LINGO2: variants seen among roughly 807,000 people sequenced by gnomAD.
LINGO2 encodes the protein leucine-rich repeat and immunoglobulin-like domain-containing nogo receptor-interacting protein 2.
A neutral mutation model predicts 30.6 loss-of-function variants in LINGO2; 14 were observed. The ratio of observed to expected loss-of-function variants is 0.46; its 90% CI spans 0.30 to 0.72. LINGO2 has a LOEUF of 0.72. Ranked by LOEUF, LINGO2 falls within the 30% of genes least tolerant of loss-of-function variation. The probability of loss-of-function intolerance (pLI) is 0.07; values close to 1 mark genes in which losing one functional copy is unlikely to be tolerated. For missense variants in LINGO2, 729 were observed against 751.7 expected, an observed-to-expected ratio of 0.97 and a Z score of 0.35; for synonymous variants, 317 against 288.5, an observed-to-expected ratio of 1.10 and a Z score of -1.00.
At chr9:29,210,782 G>A in the LINGO2 span, among the ~76,000 whole-genome samples, 6 of 151,996 alleles carry the variant, frequency 3.9e-5, no homozygotes, top group Non-Finnish European at 8.8e-5. Context: ...CCATCAATAG[G>A]CAATCCATTC....
At chr9:29,115,587 GT>G in the LINGO2 span, among the ~76,000 whole-genome samples, 3 of 150,428 alleles carry the variant, frequency 2.0e-5, no homozygotes, top group Non-Finnish European at 3.0e-5. Flanking sequence ...TATTGAATGT[GT>G]TTTTTTTTAA....
chr9:28,561,745 GTGTGTATATATATA>G (rs1189682355), intron 1 of LINGO2, among the ~76,000 whole-genome samples: 3 of 43,532 alleles, frequency 6.9e-5, no homozygotes, highest in Admixed American at 2.9e-4. Flanking sequence ...TTGTGTGTGT[GTGTGTATATATATA>G]TATATATATA....
chr9:29,074,839 CT>C, the LINGO2 span, among the ~76,000 whole-genome samples: 53 of 146,536 alleles, frequency 3.6e-4, no homozygotes, highest in Middle Eastern at 3.5e-3. Context: ...AGCTAATTTG[CT>C]TTTTTTTTTG....
chr9:28,008,568 A>G (rs990972855), intron 5 of LINGO2, among the ~76,000 whole-genome samples: 1 of 102,126 alleles, frequency 9.8e-6, no homozygotes, highest in East Asian at 3.1e-4. Flanking sequence ...TCCACTAAAA[A>G]CTATTAGAAT....
At chr9:28,183,740 G>A (rs1266098405) in intron 4 of LINGO2, among the ~76,000 whole-genome samples, 1 of 152,102 alleles carries the variant, frequency 6.6e-6, no homozygotes, top group Non-Finnish European at 1.5e-5. Context: ...AATTATACAG[G>A]CTACCATCAG....
the LINGO2 span, among the ~76,000 whole-genome samples, chr9:29,022,866 G>A: frequency 6.6e-6 from 1 of 151,866 alleles, no homozygotes; most frequent in Non-Finnish European, 1.5e-5. Flanking sequence ...AACTGTGCTA[G>A]GTTCTCCATA....
At chr9:28,593,951 G>A (rs1405940034) in intron 1 of LINGO2, among the ~76,000 whole-genome samples, 2 of 151,882 alleles carry the variant, frequency 1.3e-5, no homozygotes, top group Non-Finnish European at 2.9e-5. Context: ...CTATGTAAAT[G>A]TCAATTAGCA....
the LINGO2 span, among the ~76,000 whole-genome samples, chr9:29,169,993 AAAAC>A: frequency 3.9e-5 from 6 of 151,932 alleles, 1 homozygote; most frequent in African/African-American, 1.4e-4. Flanking sequence ...ACTCTGTATA[AAAAC>A]AAACAAACAA....
intron 1 of LINGO2, among the ~76,000 whole-genome samples, chr9:28,504,143 T>C: frequency 6.6e-6 from 1 of 151,848 alleles, no homozygotes; most frequent in East Asian, 1.9e-4. Context: ...AAAAAACAAA[T>C]ATTTCATTAA....
chr9:28,004,117 C>T (rs1322766613), intron 5 of LINGO2, among the ~76,000 whole-genome samples: 1 of 152,126 alleles, frequency 6.6e-6, no homozygotes, highest in African/African-American at 2.4e-5. Context: ...TGTCTTGGAA[C>T]ATCTTGAATT....
intron 4 of LINGO2, among the ~76,000 whole-genome samples, chr9:28,103,746 A>G (rs767154316): frequency 6.6e-6 from 1 of 152,194 alleles, no homozygotes; most frequent in Non-Finnish European, 1.5e-5. Flanking sequence ...TATTGTGAAA[A>G]ATAATCAATA....
intron 4 of LINGO2, among the ~76,000 whole-genome samples, chr9:28,237,578 G>A (rs540885223): frequency 2.2e-4 from 33 of 152,174 alleles, no homozygotes; most frequent in Admixed American, 1.5e-3. Context: ...CGCCAGGTGC[G>A]GTGGCTCACA....
the LINGO2 span, among the ~76,000 whole-genome samples, chr9:28,801,616 T>A: frequency 6.6e-6 from 1 of 152,074 alleles, no homozygotes; most frequent in African/African-American, 2.4e-5. Context: ...CACTGTGTAA[T>A]CTCCAGTCAT....
At chr9:28,394,770 A>T (rs1402876208) in intron 2 of LINGO2, among the ~76,000 whole-genome samples, 3 of 152,206 alleles carry the variant, frequency 2.0e-5, no homozygotes, top group Non-Finnish European at 4.4e-5. Context: ...TAAGAAAGAA[A>T]ATCCTCTGTG....
chr9:28,631,025 T>C (rs1826912248), intron 1 of LINGO2, among the ~76,000 whole-genome samples: 1 of 152,058 alleles, frequency 6.6e-6, no homozygotes, highest in East Asian at 1.9e-4. Flanking sequence ...TAAGGAACCA[T>C]TCCATATTAT....
Position 28,591,894 on chromosome 9 carries a change from T to G in LINGO2, c.-365+78306A>C, listed in dbSNP as rs569625026. Among the ~76,000 whole-genome samples the G allele has an allele frequency of 2.6e-5, 4 of 152,166 alleles. No homozygotes were observed. In the South Asian group the frequency reaches 8.3e-4, roughly 32 times the overall value. Reference sequence around the variant, plus strand: ...TTGGCACAAAGGCTGTGGAGACAACTGCCTTTAATGGACCATAAGGGCTTC... The same window carrying G: ...TTGGCACAAAGGCTGTGGAGACAACGGCCTTTAATGGACCATAAGGGCTTC... On this transcript the variant is annotated intron_variant, in intron 1 of 5. Transcript: ENST00000379992.
chr9:28,299,552 A>G (rs1824057456), intron 3 of LINGO2, among the ~76,000 whole-genome samples: 1 of 151,996 alleles, frequency 6.6e-6, no homozygotes, highest in South Asian at 2.1e-4. Context: ...TGTTGTTGCT[A>G]TCTATTTTAT....
rs376412953 is a variant in LINGO2 at position 28,490,833 on chromosome 9, T to A, written c.-364-14808A>T. The stretch of plus-strand genomic sequence containing the variant: ...CTACTAGATTATTGTACATAATTTA[T>A]CATCCAATAATTTCACTTCAAGAAA... On this transcript the variant is annotated intron_variant, in intron 1 of 5. Coordinates refer to ENST00000379992, the Ensembl canonical transcript of LINGO2. 1.2e-4 allele frequency among the ~76,000 whole-genome samples: 18 copies of A among 152,312 alleles called. No homozygotes were observed. In the South Asian group the frequency reaches 3.5e-3, roughly 30 times the overall value.
chr9:29,024,176 T>C, the LINGO2 span, among the ~76,000 whole-genome samples: 28 of 152,126 alleles, frequency 1.8e-4, no homozygotes, highest in Admixed American at 1.7e-3. Flanking sequence ...GATCTGATCA[T>C]ATAAATTTTC....
Sources: allele counts gnomAD v4.1 joint callset (sites outside exome capture counted in the v4.1 genomes callset), GRCh38; gene constraint gnomAD v4.1.1; transcripts MANE v1.5; gene names NCBI Gene and HGNC (gene_info 2026-07-23, HGNC 2026-07-21).